Variants in CDK5RAP3 observed in about 807,000 individuals in gnomAD.
CDK5RAP3 encodes the protein CDK5 regulatory subunit-associated protein 3.
A neutral mutation model predicts 73.3 loss-of-function variants in CDK5RAP3; 58 were observed. The observed-to-expected ratio is 0.79, with a 90% CI of 0.64 to 0.98. The LOEUF (loss-of-function observed/expected upper bound fraction) is 0.98, where lower values mean the gene tolerates loss of function less well. Among genes scored for constraint, CDK5RAP3 ranks in the 50% least tolerant of loss-of-function variants. CDK5RAP3 has a pLI of 0.00. For synonymous variants in CDK5RAP3, 224 were observed against 247.5 expected (o/e 0.91, Z 0.89); for missense variants, 525 against 615.8 (o/e 0.85, Z 1.56).
intron 11 of CDK5RAP3, chr17:47,979,880 A>G (rs1429664770): frequency 6.6e-6 from 1 of 152,330 alleles, no homozygotes; most frequent in Admixed American, 6.5e-5. Flanking sequence ...TAACGGCAGA[A>G]TAGGATTGAT....
In CDK5RAP3 at chr17:47,978,754, G is replaced by T. The variant is rs12939977; in HGVS notation, c.989-75G>T. On this transcript the variant is annotated intron_variant, in intron 10 of 13. Transcript: ENST00000338399. ...GAGTCTGTCCGTATTAATCCTCCAG[G>T]GCTTCTCACACTTGAGGGTCTTTTC... is the stretch of plus-strand genomic sequence containing the variant. 6.7e-3 allele frequency: 7,460 copies of T among 1,115,422 alleles called. 311 individuals carry two copies. The African/African-American group carries it at 0.1, about 15-fold the overall frequency. The allele number at this position is 1,115,422 out of a possible 1,614,324, so 69.1% of individuals were successfully genotyped here. A position where few individuals can be genotyped will look rare whatever the true frequency, so the allele number is the denominator to read the frequency against.
Position 47,976,824 on chromosome 17 carries a change from T to A in CDK5RAP3, c.909+2T>A. Reference sequence around the variant, plus strand: ...ATCTTCCCGGAATCAGATTCAAAGGTGAGGAGGCCTTCTCAGTCTGTCTCT... The same window carrying A: ...ATCTTCCCGGAATCAGATTCAAAGGAGAGGAGGCCTTCTCAGTCTGTCTCT... On this transcript the variant is annotated splice_donor_variant, in intron 9 of 13. Transcript: ENST00000338399. LOFTEE classifies it high-confidence loss of function. The A allele has an allele frequency of 6.3e-7, 1 of 1,580,154 alleles. No homozygotes were observed. The highest frequency in any genetic ancestry group is 8.7e-7 in the Non-Finnish European group (1 of 1,154,988).
At chr17:47,979,039 C>T (rs2036492310) in intron 11 of CDK5RAP3, 122 bp downstream of exon 11, 2 of 726,878 alleles carry the variant, frequency 2.8e-6, no homozygotes, top group Non-Finnish European at 4.9e-6. Flanking sequence ...TTGTGTCCTA[C>T]AGCAGGAGCC....
At chr17:47,975,677 G>A in intron 7 of CDK5RAP3, 24 bp downstream of exon 7, 1 of 1,580,638 alleles carries the variant, frequency 6.3e-7, no homozygotes, top group Non-Finnish European at 8.6e-7. Context: ...AGCTTCTCCT[G>A]GTGGGGGTGC....
chr17:47,978,762 A>T, intron 10 of CDK5RAP3, 67 bp from the exon 11 acceptor site: 1 of 1,229,638 alleles, frequency 8.1e-7, no homozygotes, highest in Non-Finnish European at 1.2e-6. Flanking sequence ...AGGGCTTCTC[A>T]CACTTGAGGG....
Position 47,977,854 on chromosome 17 carries a change from A to G in CDK5RAP3, c.932A>G (p.Asp311Gly), listed in dbSNP as rs2144235078. The change falls in exon 10 of 14, where the codon GAC (aspartate) becomes GGC (glycine). Residue 311 changes from aspartate (D) to glycine (G), a missense_variant. Asp to Gly is a moderately conservative substitution (Grantham distance 94, BLOSUM62 -1). Coordinates refer to ENST00000338399, the MANE Select transcript of CDK5RAP3 (RefSeq NM_176096.3). ...CAGGATCCTGGAGGTGATGGGATAGACTGGGGAGACGATGCTGTTGCTTTG... is the reference window on the plus strand; with the variant it reads ...CAGGATCCTGGAGGTGATGGGATAGGCTGGGGAGACGATGCTGTTGCTTTG... ...DSKDPGGDGI[D>G]WGDDAVALQI... The G allele has an allele frequency of 6.2e-7, 1 of 1,613,954 alleles. No homozygotes were observed. Among genetic ancestry groups the G allele is most frequent in the East Asian group, 2.2e-5 (1 of 44,874 alleles).
At chr17:47,969,434 G>A (rs948825129), upstream of CDK5RAP3, among the ~76,000 whole-genome samples, 9 of 151,890 alleles carry the variant, frequency 5.9e-5, no homozygotes, top group Non-Finnish European at 1.0e-4. Context: ...GCGGGCGCCT[G>A]TAGTCCCAGC....
chr17:47,978,945 G>A, intron 11 of CDK5RAP3, 28 bp downstream of exon 11: 4 of 1,568,952 alleles, frequency 2.5e-6, no homozygotes, highest in Non-Finnish European at 3.5e-6. Context: ...AGATGCAGGG[G>A]GGAGGCATGG....
rs1288572320 is a variant in CDK5RAP3, at chr17:47,981,578, C to T, written c.*76C>T. 3 of 1,612,728 alleles carry T rather than the reference C, an allele frequency of 1.9e-6. No homozygotes were observed. The highest frequency in any genetic ancestry group is 2.2e-5 in the East Asian group (1 of 44,860). Reference sequence around the variant, plus strand: ...GATAGCCAGGGCTGTTGTTTTGGGGCCCTTCAAGGCAAAAGACCAGGCTGA... The same window carrying T: ...GATAGCCAGGGCTGTTGTTTTGGGGTCCTTCAAGGCAAAAGACCAGGCTGA... On this transcript the variant is annotated 3_prime_UTR_variant, in exon 14 of 14. Coordinates refer to ENST00000338399, the MANE Select transcript of CDK5RAP3 (RefSeq NM_176096.3).
intron 5 of CDK5RAP3, 145 bp downstream of exon 5, chr17:47,974,593 A>G (rs139153670): frequency 6.0e-5 from 89 of 1,493,028 alleles, no homozygotes; most frequent in Non-Finnish European, 5.6e-5. Context: ...GGTAAAATCA[A>G]TTGTTTTTGA....
chr17:47,976,766 A>G lies in CDK5RAP3; in HGVS notation c.853A>G (p.Ile285Val). The change falls in exon 9 of 14, where the codon ATC (isoleucine) becomes GTC (valine). Residue 285 changes from isoleucine to valine, a missense_variant. Coordinates refer to ENST00000338399, the MANE Select transcript of CDK5RAP3 (RefSeq NM_176096.3). ...AGTGTCTGAGGGGACTGACTCTGGC[A>G]TCTCTGCCGAGGCTGCTGGAATCGA... Reference protein sequence around the residue: ...EAVSEGTDSGISAEAAGIDWG... With the variant: ...EAVSEGTDSGVSAEAAGIDWG... 5.6e-6 allele frequency: 9 copies of G among 1,612,836 alleles called. No homozygotes were observed. The highest frequency in any genetic ancestry group is 1.1e-5 in the South Asian group (1 of 90,958).
chr17:47,977,945 T>C (rs773381489), intron 10 of CDK5RAP3, 35 bp downstream of exon 10: 2 of 1,583,906 alleles, frequency 1.3e-6, no homozygotes, highest in Non-Finnish European at 1.7e-6. Flanking sequence ...CTGGCAAAAG[T>C]GGGGTGCTCA....
upstream of CDK5RAP3, among the ~76,000 whole-genome samples, chr17:47,970,202 C>T (rs1443351119): frequency 1.3e-5 from 2 of 152,176 alleles, no homozygotes; most frequent in African/African-American, 4.8e-5. Context: ...GGATGAAGTC[C>T]AAGTTCCTTA....
upstream of CDK5RAP3, chr17:47,970,991 A>C (rs2036244729): frequency 6.7e-7 from 1 of 1,485,256 alleles, no homozygotes; most frequent in African/African-American, 1.4e-5. Context: ...TTGAGGCCTG[A>C]GTGGAGCGTA....
At chr17:47,971,536 T>C (rs916284885) in intron 2 of CDK5RAP3, 129 bp downstream of exon 2, 1 of 890,524 alleles carries the variant, frequency 1.1e-6, no homozygotes, top group East Asian at 2.8e-5. Context: ...CCTCGTTCTA[T>C]GCCCCATCTG....
upstream of CDK5RAP3, among the ~76,000 whole-genome samples, chr17:47,968,611 G>C (rs1397854932): frequency 6.6e-6 from 1 of 152,184 alleles, no homozygotes; most frequent in Non-Finnish European, 1.5e-5. Context: ...TCCGCCTCCC[G>C]GGTTCAAGCA....
At chr17:47,971,430 A>C (rs2036263254) in intron 2 of CDK5RAP3, 23 bp downstream of exon 2, 2 of 1,586,010 alleles carry the variant, frequency 1.3e-6, no homozygotes, top group Admixed American at 1.8e-5. Context: ...GCCACCGCGC[A>C]GCTGGCTGTC....
Position 47,975,545 on chromosome 17 carries a change from T to C in CDK5RAP3, c.545T>C (p.Leu182Pro). 1 of 1,611,372 alleles carries C rather than the reference T, an allele frequency of 6.2e-7. No individual in the cohort carries two copies. The highest frequency in any genetic ancestry group is 1.1e-5 in the South Asian group (1 of 91,086). ...AATGTCCGAGGAGAACTGCTGGCCCTGGTGAAGGACCTGCCGAGTCAGCTG... is the reference window on the plus strand; with the variant it reads ...AATGTCCGAGGAGAACTGCTGGCCCCGGTGAAGGACCTGCCGAGTCAGCTG... The part of the protein sequence containing the change: ...GENVRGELLA[L>P]VKDLPSQLAE... The change falls in exon 7 of 14, where the codon CTG (leucine) becomes CCG (proline). Residue 182 changes from leucine to proline, a missense_variant. Around this residue, in one of 2 missense-constraint regions of CDK5RAP3, gnomAD observed 409 missense variants for 429.8 expected, o/e 0.95. Transcript: ENST00000338399.
At position 47,976,012 on chromosome 17, in the gene CDK5RAP3, C is replaced by A; in HGVS notation, c.797C>A (p.Ala266Glu). The change falls in exon 8 of 14, where the codon GCG becomes GAG. Residue 266 changes from alanine to glutamate, a missense_variant and splice_region_variant. Transcript: ENST00000338399. ...EELPEQVAED[A>E]IDWGDFGVEA... The stretch of plus-strand genomic sequence containing the variant: ...CTTCCTGAGCAGGTGGCAGAAGATG[C>A]GGTAAGATGGGCCTTGTGATGAGCT... The A allele has an allele frequency of 6.2e-7, 1 of 1,613,696 alleles. No individual in the cohort carries two copies. Among genetic ancestry groups the A allele is most frequent in the Non-Finnish European group, 8.5e-7 (1 of 1,179,930 alleles).
Sources: gnomAD v4.1 joint callset for allele counts (sites outside exome capture counted in the v4.1 genomes callset) on GRCh38, gnomAD v4.1.1 for gene constraint, gnomAD v4.1.1 regional missense constraint, MANE v1.5 for transcripts, NCBI Gene and HGNC (gene_info 2026-07-23, HGNC 2026-07-21) for gene names.